Variants in PCDH9 observed in about 807,000 individuals in gnomAD.
PCDH9 encodes the protein protocadherin-9.
In PCDH9, 24 loss-of-function variants were observed where a neutral mutation model predicts 70.6. That is an observed-to-expected ratio of 0.34 (90% CI 0.25 to 0.48). The LOEUF is 0.48. Ranked by LOEUF, PCDH9 falls within the 20% of genes least tolerant of loss-of-function variation. The pLI, the probability that PCDH9 is intolerant of heterozygous loss-of-function variation, is 0.99. For missense variants in PCDH9, 1,281 were observed against 1,503.6 expected (o/e 0.85, Z 2.45); for synonymous variants, 562 against 558.5 (o/e 1.01, Z -0.09).
intron 3 of PCDH9, among the ~76,000 whole-genome samples, chr13:66,758,618 G>C (rs978051716): frequency 1.3e-5 from 2 of 151,758 alleles, no homozygotes; most frequent in African/African-American, 4.8e-5. Context: ...TTTAATATTA[G>C]AGTAACGCTG....
rs1171077980 is a variant in PCDH9 at position 66,890,659 on chromosome 13, G to A, written c.3138+12845C>T. ...TAGTCTTAGTGGGAAGGCAAGAGCC[G>A]AACTTTGATAAAAAGGCAATTAGCA... On this transcript the variant is annotated intron_variant, in intron 3 of 4. Transcript: ENST00000377865. Among the ~76,000 whole-genome samples the A allele has an allele frequency of 4.6e-5, 7 of 151,970 alleles. No homozygotes were observed. In the East Asian group the frequency reaches 9.7e-4, roughly 21 times the overall value.
intron 2 of PCDH9, among the ~76,000 whole-genome samples, chr13:67,175,958 A>T (rs1463099934): frequency 6.6e-6 from 1 of 150,830 alleles, no homozygotes; most frequent in Non-Finnish European, 1.5e-5. Context: ...AAAAAAAAAA[A>T]CTGGTCTGTT....
intron 4 of PCDH9, among the ~76,000 whole-genome samples, chr13:66,473,424 A>G (rs1033549743): frequency 8.5e-5 from 13 of 152,062 alleles, no homozygotes; most frequent in Non-Finnish European, 1.8e-4. Context: ...GTTTCTGTGC[A>G]TGTACACACA....
At chr13:66,824,651 GATATATATAT>G (rs67211029) in intron 3 of PCDH9, among the ~76,000 whole-genome samples, 1,374 of 98,874 alleles carry the variant, frequency 0.014, 18 homozygotes, top group African/African-American at 0.024. Flanking sequence ...GCGAAACTCT[GATATATATAT>G]ATATATATAT....
chr13:66,985,484 T>C (rs1000470732), intron 2 of PCDH9: 1 of 152,146 alleles, frequency 6.6e-6, no homozygotes, highest in Non-Finnish European at 1.5e-5. Flanking sequence ...CATGTTCTTT[T>C]TTTCTCTTAA....
intron 3 of PCDH9, among the ~76,000 whole-genome samples, chr13:66,760,135 A>AT (rs201627648): frequency 2.0e-5 from 3 of 151,804 alleles, no homozygotes; most frequent in South Asian, 2.1e-4. Context: ...GTTGCCGGTC[A>AT]TTTTTTTTCC....
intron 2 of PCDH9, among the ~76,000 whole-genome samples, chr13:66,960,155 C>T (rs2083323856): frequency 6.6e-6 from 1 of 152,160 alleles, no homozygotes; most frequent in Non-Finnish European, 1.5e-5. Context: ...CTCTGCTGAC[C>T]TCACATTCAC....
intron 3 of PCDH9, among the ~76,000 whole-genome samples, chr13:66,792,841 G>A (rs1454570454): frequency 1.3e-5 from 2 of 152,238 alleles, no homozygotes; most frequent in Middle Eastern, 3.4e-3. Context: ...TTGCACTTAA[G>A]GATAGTGTGC....
At chr13:66,651,587 T>A (rs1330271956) in intron 3 of PCDH9, among the ~76,000 whole-genome samples, 1 of 152,000 alleles carries the variant, frequency 6.6e-6, no homozygotes, top group East Asian at 1.9e-4. Flanking sequence ...AACATTTATT[T>A]AAAGAACTAA....
chr13:66,685,373 C>T lies in PCDH9; in HGVS notation c.3139-53962G>A, dbSNP rs576142927. On this transcript the variant is annotated intron_variant, in intron 3 of 4. Transcript: ENST00000377865. ...CATGGTGTTGGGCCTGCAAGTGCAC[C>T]GAAGTCAAAAATTGAGGTTTGAGAA... Among the ~76,000 whole-genome samples, 24 of 152,270 alleles carry T rather than the reference C, an allele frequency of 1.6e-4. No homozygotes were observed. The South Asian group carries it at 4.6e-3, about 29-fold the overall frequency.
At chr13:66,655,695 G>A (rs990372247) in intron 3 of PCDH9, among the ~76,000 whole-genome samples, 2 of 152,188 alleles carry the variant, frequency 1.3e-5, no homozygotes, top group Middle Eastern at 3.4e-3. Flanking sequence ...TAAGCATTTT[G>A]TCGATGAATA....
chr13:66,660,613 C>G (rs1436129927), intron 3 of PCDH9, among the ~76,000 whole-genome samples: 2 of 152,062 alleles, frequency 1.3e-5, no homozygotes, highest in Admixed American at 1.3e-4. Flanking sequence ...TAAGATTGCA[C>G]AATACAAATA....
At chr13:66,489,517 G>A (rs1454550318) in intron 4 of PCDH9, among the ~76,000 whole-genome samples, 1 of 152,102 alleles carries the variant, frequency 6.6e-6, no homozygotes, top group Admixed American at 6.5e-5. Context: ...TCACTATGTT[G>A]CCCAACCTTG....
At chr13:67,065,004 C>G (rs1480658047) in intron 2 of PCDH9, among the ~76,000 whole-genome samples, 1 of 151,816 alleles carries the variant, frequency 6.6e-6, no homozygotes, top group Non-Finnish European at 1.5e-5. Context: ...CTGAATGAAC[C>G]TAAGGGATTA....
At chr13:66,573,737 TTTTGTTTG>T (rs71205596) in intron 4 of PCDH9, among the ~76,000 whole-genome samples, 360 of 151,270 alleles carry the variant, frequency 2.4e-3, no homozygotes, top group African/African-American at 7.7e-3. Context: ...AGTTGGGTTT[TTTTGTTTG>T]TTTGTTTGTT....
At chr13:66,834,083 C>T (rs976954645) in intron 3 of PCDH9, among the ~76,000 whole-genome samples, 3 of 151,628 alleles carry the variant, frequency 2.0e-5, no homozygotes, top group Non-Finnish European at 4.4e-5. Flanking sequence ...AATCTTTATA[C>T]ATTGATGTCC....
chr13:66,699,139 C>A (rs2078603292), intron 3 of PCDH9, among the ~76,000 whole-genome samples: 1 of 152,016 alleles, frequency 6.6e-6, no homozygotes, highest in Admixed American at 6.6e-5. Context: ...GTCTTGAACT[C>A]CTGACCTTAA....
chr13:67,089,468 T>C (rs955937604), intron 2 of PCDH9, among the ~76,000 whole-genome samples: 6 of 152,002 alleles, frequency 3.9e-5, no homozygotes, highest in Admixed American at 3.9e-4. Context: ...TTATTGGACA[T>C]GTACTTATTT....
chr13:66,896,674 A>G (rs1213371012), intron 3 of PCDH9, among the ~76,000 whole-genome samples: 1 of 152,222 alleles, frequency 6.6e-6, no homozygotes, highest in African/African-American at 2.4e-5. Context: ...ATTGAAAAAC[A>G]TTATGTAGTC....
Sources: allele counts gnomAD v4.1 joint callset (sites outside exome capture counted in the v4.1 genomes callset), GRCh38; gene constraint gnomAD v4.1.1; transcripts MANE v1.5; gene names NCBI Gene and HGNC (gene_info 2026-07-23, HGNC 2026-07-21).